Variants in NAPA observed in about 807,000 individuals in gnomAD.
NAPA encodes NSF attachment protein alpha.
A neutral mutation model predicts 48.0 loss-of-function variants in NAPA; 18 were observed. The observed-to-expected ratio is 0.38, with a 90% CI of 0.26 to 0.56. The LOEUF is 0.56. Ranked by LOEUF, NAPA falls within the 20% of genes least tolerant of loss-of-function variation. The pLI is 0.77. For missense variants in NAPA, 315 were observed against 385.0 expected (o/e 0.82, Z 1.52); for synonymous variants, 152 against 149.9 (o/e 1.01, Z -0.10).
chr19:47,499,638 G>A (rs562031526), intron 3 of NAPA, among the ~76,000 whole-genome samples: 3 of 152,354 alleles, frequency 2.0e-5, no homozygotes, highest in South Asian at 4.1e-4. Context: ...AGGAGCAACT[G>A]GTCAGTCTAA....
At position 47,506,020 on chromosome 19, in the gene NAPA, G is replaced by C. The variant is rs1465908809; in HGVS notation, c.99-2518C>G. Among the ~76,000 whole-genome samples, 1 of 134,990 alleles carries C rather than the reference G, an allele frequency of 7.4e-6. No individual in the cohort carries two copies. The highest frequency in any genetic ancestry group is 2.9e-5 in the African/African-American group (1 of 34,892). The allele number at this position is 134,990 out of a possible 152,430, so 88.6% of individuals were successfully genotyped here. A position where few individuals can be genotyped will look rare whatever the true frequency, so the allele number is the denominator to read the frequency against. On this transcript the variant is annotated intron_variant, in intron 1 of 10. Transcript: ENST00000263354. This position sits in a 1 kb window ranked among gnomAD's most constrained non-coding sequence, Gnocchi z 4.0. ...TTTTTTTTTTTTTTTTTTTTGAGAT[G>C]GAGTTTCGCTCTTGTCGCCCAGGCT...
downstream of NAPA, among the ~76,000 whole-genome samples, chr19:47,486,543 C>T (rs1172178679): frequency 6.6e-6 from 1 of 152,126 alleles, no homozygotes; most frequent in East Asian, 1.9e-4. Context: ...TCAAGTGATC[C>T]GCCTGCCTCG....
intron 1 of NAPA, among the ~76,000 whole-genome samples, chr19:47,509,604 C>A (rs143016129): frequency 6.6e-6 from 1 of 152,206 alleles, no homozygotes; most frequent in Non-Finnish European, 1.5e-5. Context: ...GGACCGATTC[C>A]AGGCACGCTT....
At chr19:47,492,857 G>C in intron 7 of NAPA, 104 bp downstream of exon 7, 1 of 1,083,244 alleles carries the variant, frequency 9.2e-7, no homozygotes, top group Non-Finnish European at 1.4e-6. Flanking sequence ...GGCAGAGGGT[G>C]AGCCGGGGGA....
chr19:47,508,160 C>T (rs1375920296), intron 1 of NAPA, among the ~76,000 whole-genome samples: 1 of 152,212 alleles, frequency 6.6e-6, no homozygotes, highest in Non-Finnish European at 1.5e-5. Context: ...AGCCCCCTAC[C>T]GAGCCTGCCA....
intron 3 of NAPA, 42 bp from the exon 4 acceptor site, chr19:47,495,638 G>C: frequency 6.2e-7 from 1 of 1,604,312 alleles, no homozygotes; most frequent in Non-Finnish European, 8.5e-7. Flanking sequence ...AGAAAGTGAA[G>C]TCGTTTCAGC....
At chr19:47,503,658 G>A (rs1198920659) in intron 1 of NAPA, among the ~76,000 whole-genome samples, 156 bp from the exon 2 acceptor site, 7 of 152,054 alleles carry the variant, frequency 4.6e-5, no homozygotes, top group Admixed American at 2.0e-4. Context: ...TGTGGCCCCC[G>A]CCCCTGCATA....
chr19:47,490,520 T>G, intron 9 of NAPA, among the ~76,000 whole-genome samples: 1 of 57,294 alleles, frequency 1.7e-5, no homozygotes, highest in African/African-American at 6.0e-5. Flanking sequence ...GTGTGTAGTG[T>G]ATGTTTGGTG....
At chr19:47,495,342 G>A in intron 4 of NAPA, 3 of 620,172 alleles carry the variant, frequency 4.8e-6, no homozygotes, top group East Asian at 5.4e-5. Context: ...TGTGGAGTGA[G>A]GGGGCCGTCA....
intron 8 of NAPA, 101 bp downstream of exon 8, chr19:47,491,914 T>G: frequency 9.7e-7 from 1 of 1,029,878 alleles, no homozygotes. Context: ...GGGCCAGACG[T>G]GAGGGAGGAG....
chr19:47,488,355 T>G lies in NAPA; in HGVS notation c.821A>C (p.Gln274Pro), dbSNP rs759021064. 1 of 1,613,490 alleles carries G rather than the reference T, an allele frequency of 6.2e-7. No individual in the cohort carries two copies. The highest frequency in any genetic ancestry group is 8.5e-7 in the Non-Finnish European group (1 of 1,179,704). The part of the protein sequence containing the change: ...KEYDSISRLD[Q>P]WLTTMLLRIK... ...GCGCAGCAGCATGGTGGTGAGCCAC[T>G]GGTCCAGCCGGGAGATGGAGTCGTA... Residue 274 changes from glutamine to proline, a missense_variant, in exon 11 of 11, where the codon CAG becomes CCG. Around this residue, in one of 3 missense-constraint regions of NAPA, gnomAD observed 137 missense variants for 150.1 expected, o/e 0.91. Coordinates refer to ENST00000263354, the MANE Select transcript of NAPA (RefSeq NM_003827.4).
chr19:47,500,386 C>T (rs1440282010), intron 3 of NAPA, among the ~76,000 whole-genome samples: 1 of 152,172 alleles, frequency 6.6e-6, no homozygotes, highest in Non-Finnish European at 1.5e-5. Context: ...AAGGGGTGAT[C>T]AGCTGCACCG....
chr19:47,491,934 CT>C, intron 8 of NAPA, 80 bp downstream of exon 8: 1 of 1,298,300 alleles, frequency 7.7e-7, no homozygotes, highest in Middle Eastern at 1.9e-4. Context: ...GCACGTCCCT[CT>C]TCGGGGGCAA....
At chr19:47,496,665 A>G in intron 3 of NAPA, 1 of 278,530 alleles carries the variant, frequency 3.6e-6, no homozygotes, top group Non-Finnish European at 7.3e-6. Context: ...TCGCCTGAGA[A>G]GAGGGTGCTA....
chr19:47,508,675 T>C (rs1968742127), intron 1 of NAPA, among the ~76,000 whole-genome samples: 1 of 151,996 alleles, frequency 6.6e-6, no homozygotes, highest in Non-Finnish European at 1.5e-5. Context: ...GAGGCTTTTT[T>C]TTTTTAAATA....
At position 47,506,673 on chromosome 19, in the gene NAPA, C is replaced by A. The variant is rs1968699486; in HGVS notation, c.99-3171G>T. Among the ~76,000 whole-genome samples the A allele has an allele frequency of 1.3e-5, 2 of 152,252 alleles. No individual in the cohort carries two copies. The highest frequency in any genetic ancestry group is 4.8e-5 in the African/African-American group (2 of 41,468). On this transcript the variant is annotated intron_variant, in intron 1 of 10. Transcript: ENST00000263354. The surrounding 1 kb of genome is among the most constrained non-coding windows in gnomAD (Gnocchi z 4.0). ...ATTTCAGGACGGACACAAAGCCTACCAGCTGCCCGGGCTGAAACTCTGTGA... is the reference window on the plus strand; with the variant it reads ...ATTTCAGGACGGACACAAAGCCTACAAGCTGCCCGGGCTGAAACTCTGTGA...
At chr19:47,497,214 C>T (rs1050892987) in intron 3 of NAPA, 1 of 178,464 alleles carries the variant, frequency 5.6e-6, no homozygotes, top group Non-Finnish European at 1.2e-5. Context: ...CTGGTTCACT[C>T]TCCTGGCCGG....
rs1968693762 is a variant in NAPA, at chr19:47,506,362, G to A, written c.99-2860C>T. 6.6e-6 allele frequency among the ~76,000 whole-genome samples: 1 copy of A among 152,080 alleles called. No individual in the cohort carries two copies. Among genetic ancestry groups the A allele is most frequent in the Non-Finnish European group, 1.5e-5 (1 of 68,016 alleles). ...GGTAAGAAACTTTCAAAACCTTCTG[G>A]CTGAGAATCCTGAAGGGTCCTTTGG... On this transcript the variant is annotated intron_variant, in intron 1 of 10. Coordinates refer to ENST00000263354, the MANE Select transcript of NAPA (RefSeq NM_003827.4). The surrounding 1 kb of genome is among the most constrained non-coding windows in gnomAD (Gnocchi z 4.0).
chr19:47,496,684 C>T (rs1377548912), intron 3 of NAPA: 12 of 290,054 alleles, frequency 4.1e-5, no homozygotes, highest in Admixed American at 2.5e-4. Context: ...TACCAAGAAG[C>T]GCCGGGGCTG....
Sources: allele counts gnomAD v4.1 joint callset (sites outside exome capture counted in the v4.1 genomes callset), GRCh38; gene constraint gnomAD v4.1.1; regional missense constraint gnomAD v4.1.1; non-coding constraint Gnocchi (gnomAD v3.1); transcripts MANE v1.5; gene names NCBI Gene and HGNC (gene_info 2026-07-23, HGNC 2026-07-21).